The following PTPRE variants were observed in gnomAD, a reference collection of about 807,000 sequenced individuals.
The protein encoded by PTPRE is protein tyrosine phosphatase receptor type E.
PTPRE carries 51 observed loss-of-function variants against 102.0 expected under a neutral mutation model. The ratio of observed to expected loss-of-function variants is 0.50; its 90% CI spans 0.40 to 0.63. The LOEUF (loss-of-function observed/expected upper bound fraction) is 0.63, where lower values mean the gene tolerates loss of function less well. PTPRE is among the 30% of genes least tolerant of loss of function. PTPRE has a pLI of 0.00. For missense variants in PTPRE, 752 were observed against 915.1 expected (o/e 0.82, Z 2.30); for synonymous variants, 345 against 348.2 (o/e 0.99, Z 0.10).
intron 2 of PTPRE, among the ~76,000 whole-genome samples, chr10:127,990,411 C>CAAAAAAAAAAAAAAA (rs60034358): frequency 1.7e-4 from 11 of 65,712 alleles, no homozygotes; most frequent in Admixed American, 3.6e-4. Context: ...GACTCCACCT[C>CAAAAAAAAAAAAAAA]AAAAAAAAAA....
At chr10:128,058,482 C>T (rs1040838742) in intron 7 of PTPRE, among the ~76,000 whole-genome samples, 1 of 152,194 alleles carries the variant, frequency 6.6e-6, no homozygotes, top group African/African-American at 2.4e-5. Flanking sequence ...ACGCAGCTGC[C>T]CGGGACTGGG....
At chr10:128,034,190 A>T (rs1847008069) in intron 2 of PTPRE, among the ~76,000 whole-genome samples, 1 of 152,158 alleles carries the variant, frequency 6.6e-6, no homozygotes. Flanking sequence ...AAATAAACCT[A>T]AGTGTCCTAA....
intron 2 of PTPRE, among the ~76,000 whole-genome samples, chr10:128,037,553 G>T (rs1847317657): frequency 6.6e-6 from 1 of 152,124 alleles, no homozygotes; most frequent in African/African-American, 2.4e-5. Context: ...GGGCTTACCT[G>T]GCTGCCTGAC....
At chr10:128,078,601 C>T (rs931449290) in intron 19 of PTPRE, among the ~76,000 whole-genome samples, 9 of 152,246 alleles carry the variant, frequency 5.9e-5, no homozygotes, top group Non-Finnish European at 1.2e-4. Flanking sequence ...CACCCCCACC[C>T]ACTGTCCCAC....
At chr10:127,992,738 C>CCCAA (rs1402554355) in intron 2 of PTPRE, among the ~76,000 whole-genome samples, 1 of 152,120 alleles carries the variant, frequency 6.6e-6, no homozygotes, top group East Asian at 1.9e-4. Context: ...GCATCAGGAG[C>CCCAA]CCAAATACCT....
intron 2 of PTPRE, among the ~76,000 whole-genome samples, chr10:127,996,833 G>A (rs1171873399): frequency 6.6e-6 from 1 of 152,190 alleles, no homozygotes; most frequent in Non-Finnish European, 1.5e-5. Flanking sequence ...TGTGTAAGAA[G>A]CATGTCTGTT....
intron 1 of PTPRE, 89 bp from the exon 2 acceptor site, chr10:127,982,185 C>A: frequency 1.3e-6 from 1 of 774,762 alleles, no homozygotes; most frequent in Non-Finnish European, 1.8e-6. Context: ...GGATAGTCGA[C>A]TAGTGCTGTA....
intron 1 of PTPRE, among the ~76,000 whole-genome samples, chr10:127,948,193 T>C (rs1012259685): frequency 3.3e-5 from 5 of 152,126 alleles, no homozygotes; most frequent in African/African-American, 1.2e-4. Flanking sequence ...AGTCCTGAGC[T>C]TGGGGATGTG....
chr10:127,961,796 G>A (rs1207553253), intron 1 of PTPRE, among the ~76,000 whole-genome samples: 2 of 152,164 alleles, frequency 1.3e-5, no homozygotes, highest in Non-Finnish European at 2.9e-5. Flanking sequence ...AAGACTGCAG[G>A]CAGCACTGAG....
chr10:127,954,651 A>G (rs983412431), intron 1 of PTPRE, among the ~76,000 whole-genome samples: 2 of 152,172 alleles, frequency 1.3e-5, no homozygotes, highest in Admixed American at 6.5e-5. Flanking sequence ...AGTCACAGTT[A>G]CAGCACCAGC....
chr10:128,022,817 T>A (rs1236631076), intron 2 of PTPRE, among the ~76,000 whole-genome samples: 1 of 152,132 alleles, frequency 6.6e-6, no homozygotes, highest in Admixed American at 6.5e-5. Flanking sequence ...CGGAGTCCTG[T>A]GAACAAGGGC....
Position 128,066,135 on chromosome 10 carries a change from T to A in PTPRE, c.784T>A (p.Cys262Ser). The change falls in exon 11 of 21, where the codon TGC becomes AGC. Residue 262 changes from cysteine (C) to serine (S), a missense_variant. Transcript: ENST00000254667. ...GCWTYGNIRV[C>S]VEDCVVLVDY... Reference sequence around the variant, plus strand: ...CTGGACCTATGGAAACATCCGGGTGTGCGTGGAGGACTGCGTGGTTTTGGT... The same window carrying A: ...CTGGACCTATGGAAACATCCGGGTGAGCGTGGAGGACTGCGTGGTTTTGGT... 6.2e-7 allele frequency: 1 copy of A among 1,614,226 alleles called. No individual in the cohort carries two copies. Among genetic ancestry groups the A allele is most frequent in the South Asian group, 1.1e-5 (1 of 91,086 alleles).
intron 1 of PTPRE, chr10:127,934,490 G>A (rs1589768970): frequency 6.6e-6 from 1 of 152,304 alleles, no homozygotes; most frequent in Non-Finnish European, 1.5e-5. Flanking sequence ...CAGAAAGCTC[G>A]GTGACGGTTT....
chr10:127,987,421 T>C (rs1412677441), intron 2 of PTPRE: 1 of 1,116,568 alleles, frequency 9.0e-7, no homozygotes, highest in Admixed American at 2.5e-5. Context: ...GAGGGGTCTT[T>C]CTTGTCTCTT....
chr10:128,000,467 C>T (rs1038653684), intron 2 of PTPRE, among the ~76,000 whole-genome samples: 2 of 152,076 alleles, frequency 1.3e-5, no homozygotes, highest in African/African-American at 4.8e-5. Context: ...CGTTTCTTTT[C>T]TCTCTCTCTC....
rs189368801 is a variant in PTPRE at position 127,999,717 on chromosome 10, G to A, written c.-8+17421G>A. The stretch of plus-strand genomic sequence containing the variant: ...GCATTTATTTCAACTCGAGATGAGC[G>A]GTCTCTCCTGTAAATTTCTCCCTGC... On this transcript the variant is annotated intron_variant, in intron 2 of 20. Transcript: ENST00000254667. 1.9e-5 allele frequency: 19 copies of A among 984,180 alleles called. No homozygotes were observed. In the African/African-American group the frequency reaches 2.4e-4, roughly 13 times the overall value. The allele number at this position is 984,180 out of a possible 1,614,324, so 61.0% of individuals were successfully genotyped here.
At chr10:127,994,550 GAATA>G (rs1442685336) in intron 2 of PTPRE, among the ~76,000 whole-genome samples, 2 of 152,196 alleles carry the variant, frequency 1.3e-5, no homozygotes, top group Non-Finnish European at 2.9e-5. Context: ...GTGCATGAAT[GAATA>G]GTCTTTACGT....
chr10:128,074,394 G>A (rs58630280), intron 17 of PTPRE, among the ~76,000 whole-genome samples: 4,029 of 152,220 alleles, frequency 0.026, 139 homozygotes, highest in East Asian at 0.14. Flanking sequence ...TGCTTGGTGC[G>A]GTTGCTCACA....
chr10:128,077,902 C>T (rs1352412166), intron 19 of PTPRE, 119 bp downstream of exon 19: 1 of 1,153,610 alleles, frequency 8.7e-7, no homozygotes, highest in Non-Finnish European at 1.2e-6. Context: ...TCCCTAGAGT[C>T]TCCTCTCTAC....
Sources: allele counts gnomAD v4.1 joint callset (sites outside exome capture counted in the v4.1 genomes callset), GRCh38; gene constraint gnomAD v4.1.1; transcripts MANE v1.5; gene names NCBI Gene and HGNC (gene_info 2026-07-23, HGNC 2026-07-21).